The following JPH3 variants were observed in gnomAD, a reference collection of about 807,000 sequenced individuals.
JPH3 encodes junctophilin 3, also known as junctophilin-3.
In JPH3, 11 loss-of-function variants were observed where a neutral mutation model predicts 59.6. The observed-to-expected ratio is 0.18, with a 90% CI of 0.12 to 0.31. The LOEUF (loss-of-function observed/expected upper bound fraction) is 0.31, where lower values mean the gene tolerates loss of function less well. Ranked by LOEUF, JPH3 falls within the 10% of genes least tolerant of loss-of-function variation. The pLI, the probability that JPH3 is intolerant of heterozygous loss-of-function variation, is 1.00. For synonymous variants in JPH3, 673 were observed against 483.6 expected (o/e 1.39, Z -5.14); for missense variants, 1,202 against 1,105.7 (o/e 1.09, Z -1.24).
In JPH3 at chr16:87,611,913, G is replaced by A. The variant is rs898848245; in HGVS notation, c.382+8385G>A. On this transcript the variant is annotated intron_variant, in intron 1 of 4. Transcript: ENST00000284262. This position sits in a 1 kb window ranked among gnomAD's most constrained non-coding sequence, Gnocchi z 4.5. Reference sequence around the variant, plus strand: ...CCTGGGAGACGGTTAGAAATGCAGCGTGTCAGGCCTGCCTGACCTCCAGGG... The same window carrying A: ...CCTGGGAGACGGTTAGAAATGCAGCATGTCAGGCCTGCCTGACCTCCAGGG... Among the ~76,000 whole-genome samples, 2 of 152,218 alleles carry A rather than the reference G, an allele frequency of 1.3e-5. No homozygotes were observed. Among genetic ancestry groups the A allele is most frequent in the Non-Finnish European group, 2.9e-5 (2 of 68,034 alleles).
In JPH3 at chr16:87,665,455, A is replaced by G. The variant is rs539256048; in HGVS notation, c.1161-18687A>G. On this transcript the variant is annotated intron_variant, in intron 2 of 4. Transcript: ENST00000284262. ...CTTAGTGCTTTAGGTCTGTAGGAGT[A>G]ATCTTTGGAGAATCGTGATTCTGGG... Among the ~76,000 whole-genome samples the G allele has an allele frequency of 2.6e-5, 4 of 152,304 alleles. 1 individual carries two copies. Among genetic ancestry groups the G allele is most frequent in the African/African-American group, 9.6e-5 (4 of 41,572 alleles).
intron 1 of JPH3, among the ~76,000 whole-genome samples, chr16:87,626,030 A>C (rs992299753): frequency 6.6e-6 from 1 of 152,118 alleles, no homozygotes; most frequent in Non-Finnish European, 1.5e-5. Context: ...TGGATTCCTT[A>C]GCTCAGGTTG....
At chr16:87,694,315 TG>T (rs998220349) in intron 4 of JPH3, 12 of 152,300 alleles carry the variant, frequency 7.9e-5, no homozygotes, top group African/African-American at 2.7e-4. Flanking sequence ...GCCTAGGTGC[TG>T]GCGTGAGGCC....
intron 2 of JPH3, among the ~76,000 whole-genome samples, chr16:87,652,588 C>T (rs1425010178): frequency 1.3e-5 from 2 of 152,230 alleles, no homozygotes; most frequent in African/African-American, 2.4e-5. Context: ...TTCCGCCTTC[C>T]GAGTAGCGTG....
chr16:87,673,806 A>G (rs2150868168), intron 2 of JPH3, among the ~76,000 whole-genome samples: 1 of 152,076 alleles, frequency 6.6e-6, no homozygotes, highest in East Asian at 1.9e-4. Flanking sequence ...GGCACCTGTA[A>G]TCCCAGCTAC....
At chr16:87,635,893 T>G (rs937184016) in intron 1 of JPH3, among the ~76,000 whole-genome samples, 1 of 152,198 alleles carries the variant, frequency 6.6e-6, no homozygotes, top group Non-Finnish European at 1.5e-5. Context: ...AGCCACACCC[T>G]CCTGAGAGGG....
At chr16:87,609,681 C>A (rs528535544) in intron 1 of JPH3, among the ~76,000 whole-genome samples, 5 of 152,140 alleles carry the variant, frequency 3.3e-5, no homozygotes, top group African/African-American at 1.2e-4. Context: ...GGTGCACAGC[C>A]GAAGGCAGGC....
At chr16:87,658,592 TCCTGAAACAGAC>T (rs1471014837) in intron 2 of JPH3, among the ~76,000 whole-genome samples, 1 of 152,182 alleles carries the variant, frequency 6.6e-6, no homozygotes, top group East Asian at 1.9e-4. Context: ...ACCTGTGAAT[TCCTGAAACAGAC>T]CCAGGGCATG....
At position 87,653,262 on chromosome 16, in the gene JPH3, G is replaced by T. The variant is rs555802353; in HGVS notation, c.1160+8227G>T. 1.2e-4 allele frequency among the ~76,000 whole-genome samples: 18 copies of T among 152,346 alleles called. No homozygotes were observed. The South Asian group carries it at 3.7e-3, about 32-fold the overall frequency. On this transcript the variant is annotated intron_variant, in intron 2 of 4. Transcript: ENST00000284262. Reference sequence around the variant, plus strand: ...GAAAGGGGCTTCCAGATCCCTTTGTGTCTCCAGCACCTGCCGTGTGCCTGC... The same window carrying T: ...GAAAGGGGCTTCCAGATCCCTTTGTTTCTCCAGCACCTGCCGTGTGCCTGC...
At chr16:87,660,948 TATCTG>T (rs747806267) in intron 2 of JPH3, among the ~76,000 whole-genome samples, 48 of 152,368 alleles carry the variant, frequency 3.2e-4, no homozygotes, top group Non-Finnish European at 5.4e-4. Context: ...GAGAATCCCT[TATCTG>T]AAATGACTGG....
chr16:87,689,954 G>A lies in JPH3; in HGVS notation c.1594G>A (p.Gly532Ser). The A allele has an allele frequency of 6.9e-7, 1 of 1,450,840 alleles. No individual in the cohort carries two copies. 89.9% of individuals were successfully genotyped at this position (1,450,840 alleles called of 1,614,324 possible). The change falls in exon 4 of 5, where the codon GGC (glycine) becomes AGC (serine). Residue 532 changes from glycine (G) to serine (S), a missense_variant. Gly to Ser is a moderately conservative substitution (Grantham distance 56). Coordinates refer to ENST00000284262, the MANE Select transcript of JPH3 (RefSeq NM_020655.4). ...RAGDCARSSW[G>S]EEQAGGSRGV... ...CGGGGACTGCGCCCGCAGCAGCTGG[G>A]GCGAGGAGCAGGCCGGGGGCTCCAG...
At chr16:87,632,570 C>T (rs2031598228) in intron 1 of JPH3, among the ~76,000 whole-genome samples, 1 of 152,312 alleles carries the variant, frequency 6.6e-6, no homozygotes, top group South Asian at 2.1e-4. Flanking sequence ...AGCTGGACTA[C>T]AGGTGTGCAC....
intron 2 of JPH3, among the ~76,000 whole-genome samples, chr16:87,649,298 G>A (rs954272401): frequency 1.3e-5 from 2 of 152,220 alleles, no homozygotes; most frequent in South Asian, 2.1e-4. Flanking sequence ...GCACCACAGG[G>A]CATTCGGCCC....
chr16:87,651,551 T>C (rs1381215643), intron 2 of JPH3, among the ~76,000 whole-genome samples: 1 of 152,204 alleles, frequency 6.6e-6, no homozygotes, highest in Non-Finnish European at 1.5e-5. Flanking sequence ...AAGAAGTTGA[T>C]TCCAGCCCTC....
chr16:87,643,821 C>T (rs1490659398), intron 1 of JPH3, among the ~76,000 whole-genome samples: 1 of 151,310 alleles, frequency 6.6e-6, no homozygotes, highest in Non-Finnish European at 1.5e-5. Flanking sequence ...CTGTCTGCCT[C>T]CACGCAAACC....
intron 2 of JPH3, among the ~76,000 whole-genome samples, chr16:87,679,183 C>G (rs1432641131): frequency 1.3e-5 from 2 of 152,178 alleles, no homozygotes; most frequent in African/African-American, 4.8e-5. Context: ...CTTAGGAGTC[C>G]GAGAAACTGG....
At chr16:87,677,185 T>TATATACACACACAC (rs1491266129) in intron 2 of JPH3, among the ~76,000 whole-genome samples, 19 of 95,194 alleles carry the variant, frequency 2.0e-4, no homozygotes, top group African/African-American at 6.1e-4. Context: ...TATATATATA[T>TATATACACACACAC]ACACACACAC....
In JPH3 at chr16:87,604,412, C is replaced by T. The variant is rs200152122; in HGVS notation, c.382+884C>T. On this transcript the variant is annotated intron_variant, in intron 1 of 4. Coordinates refer to ENST00000284262, the MANE Select transcript of JPH3 (RefSeq NM_020655.4). ...ACTCTCCGATATCCACTCCTCAGTG[C>T]ACCTGACACGCATGGAGCCGGTCCT... 3.7e-3 allele frequency: 5,214 copies of T among 1,409,594 alleles called. 11 individuals are homozygous for T. The highest frequency in any genetic ancestry group is 4.3e-3 in the Non-Finnish European group (4,623 of 1,067,508). The allele number at this position is 1,409,594 out of a possible 1,614,324, so 87.3% of individuals were successfully genotyped here.
At position 87,696,766 on chromosome 16, in the gene JPH3, A is replaced by C; in HGVS notation, c.*106A>C. The C allele has an allele frequency of 1.2e-6, 1 of 865,610 alleles. No individual in the cohort carries two copies. Among genetic ancestry groups the C allele is most frequent in the Non-Finnish European group, 1.9e-6 (1 of 528,592 alleles). The allele number at this position is 865,610 out of a possible 1,614,324, so 53.6% of individuals were successfully genotyped here. On this transcript the variant is annotated 3_prime_UTR_variant, in exon 5 of 5. Coordinates refer to ENST00000284262, the MANE Select transcript of JPH3 (RefSeq NM_020655.4). The stretch of plus-strand genomic sequence containing the variant: ...AGACCGCAACTCGGACAGCCCAGCG[A>C]CTTCCAAGTCCTCTCACAGAAGAAC...
Sources: gnomAD v4.1 joint callset for allele counts (sites outside exome capture counted in the v4.1 genomes callset) on GRCh38, gnomAD v4.1.1 for gene constraint, Gnocchi (gnomAD v3.1) non-coding constraint, MANE v1.5 for transcripts, NCBI Gene and HGNC (gene_info 2026-07-23, HGNC 2026-07-21) for gene names.